The following CEP290 variants were observed in gnomAD, a reference collection of about 807,000 sequenced individuals.
CEP290 encodes centrosomal protein of 290 kDa.
In CEP290, 317 loss-of-function variants were observed where a neutral mutation model predicts 344.9. The ratio of observed to expected loss-of-function variants is 0.92; its 90% CI spans 0.84 to 1.01. CEP290 has a LOEUF of 1.01. Ranked by LOEUF, CEP290 falls within the 50% of genes least tolerant of loss-of-function variation. The pLI is 0.00. For synonymous variants in CEP290, 932 were observed against 895.8 expected (o/e 1.04, Z -0.72); for missense variants, 2,754 against 2,761.4 (o/e 1.00, Z 0.06).
Position 88,128,986 on chromosome 12 carries a change from G to A in CEP290, c.902C>T (p.Pro301Leu). 5.2e-6 allele frequency: 8 copies of A among 1,538,200 alleles called. No individual in the cohort carries two copies. Among genetic ancestry groups the A allele is most frequent in the South Asian group, 2.7e-5 (2 of 75,220 alleles). The change falls in exon 11 of 54, where the codon CCA becomes CTA. Residue 301 changes from proline to leucine, a missense_variant. By Grantham distance (98) the Pro-to-Leu change is moderately conservative. Coordinates refer to ENST00000552810, the MANE Select transcript of CEP290 (RefSeq NM_025114.4). ...LLKSKNEEDD[P>L]IMVAVNAKVE... ...TTTTGCATTGACAGCTACCATAATT[G>A]GATCATCTTCTTCATTTTTTGATTT...
intron 49 of CEP290, chr12:88,058,579 C>T (rs779264501): frequency 4.0e-5 from 17 of 423,748 alleles, no homozygotes; most frequent in Non-Finnish European, 2.9e-5. Context: ...AGCTTCATGA[C>T]GCACACACAG....
intron 32 of CEP290, 97 bp from the exon 33 acceptor site, chr12:88,086,595 A>G (rs944589377): frequency 2.0e-5 from 15 of 739,850 alleles, no homozygotes; most frequent in Non-Finnish European, 3.1e-5. Context: ...CTCACAACAC[A>G]TTGAAGAAAC....
intron 14 of CEP290, 95 bp from the exon 15 acceptor site, chr12:88,120,371 A>C: frequency 3.6e-6 from 2 of 555,400 alleles, no homozygotes; most frequent in Non-Finnish European, 5.9e-6. Flanking sequence ...CTAAAGGAAA[A>C]TGTACATATG....
At chr12:88,073,946 C>T (rs1048284276) in intron 41 of CEP290, among the ~76,000 whole-genome samples, 3 of 152,094 alleles carry the variant, frequency 2.0e-5, no homozygotes, top group Non-Finnish European at 2.9e-5. Context: ...AAACTTCAGT[C>T]TGGGTGTGGT....
At position 88,111,351 on chromosome 12, in the gene CEP290, T is replaced by C. The variant is rs754736974; in HGVS notation, c.2218A>G (p.Ile740Val). The stretch of plus-strand genomic sequence containing the variant: ...CTAGTTTCTTTTTCAAGATGGTCTA[T>C]CTGGAAAAAAAAATCCAGCAATGAG... ...SQQLAKANLKIDHLEKETSLL... is the reference protein window; with the variant it reads ...SQQLAKANLKVDHLEKETSLL... Residue 740 changes from isoleucine to valine, a missense_variant and splice_region_variant, in exon 22 of 54, where the codon ATA (isoleucine) becomes GTA (valine). Ile to Val is a conservative substitution (Grantham distance 29). Transcript: ENST00000552810. The C allele has an allele frequency of 5.1e-6, 8 of 1,562,192 alleles. No homozygotes were observed. In the Admixed American group the frequency reaches 1.4e-4, roughly 27 times the overall value.
In CEP290 at chr12:88,084,797, C is replaced by T; in HGVS notation, c.4493G>A (p.Arg1498Lys). 6.2e-7 allele frequency: 1 copy of T among 1,611,548 alleles called. No individual in the cohort carries two copies. Among genetic ancestry groups the T allele is most frequent in the Non-Finnish European group, 8.5e-7 (1 of 1,178,922 alleles). Residue 1498 changes from arginine (R) to lysine (K), a missense_variant, in exon 35 of 54, where the codon AGA (arginine) becomes AAA (lysine). Transcript: ENST00000552810. Reference protein sequence around the residue: ...LRLAEQNILSRDKVINELRLR... With the variant: ...LRLAEQNILSKDKVINELRLR... ...CCTCAGTTCATTGATTACTTTGTCTCTTGACAGTATATTTTGTTCTGCTAA... is the reference window on the plus strand; with the variant it reads ...CCTCAGTTCATTGATTACTTTGTCTTTTGACAGTATATTTTGTTCTGCTAA...
chr12:88,090,834 C>G lies in CEP290; in HGVS notation c.3467G>C (p.Arg1156Thr). 6.5e-7 allele frequency: 1 copy of G among 1,542,130 alleles called. No individual in the cohort carries two copies. The highest frequency in any genetic ancestry group is 8.8e-7 in the Non-Finnish European group (1 of 1,136,658). The change falls in exon 30 of 54, where the codon AGA (arginine) becomes ACA (threonine). Residue 1156 changes from arginine (R) to threonine (T), a missense_variant. By Grantham distance (71) the Arg-to-Thr change is moderately conservative (BLOSUM62 -1). Transcript: ENST00000552810. ...MELKVEVSKL[R>T]EISDIARRQV... ...TCTTCTGGCAATATCAGAAATCTCT[C>G]TCAGTCTAGGAAATGATAAGGTATT...
At position 88,142,031 on chromosome 12, in the gene CEP290, A is replaced by G. The variant is rs1314132143; in HGVS notation, c.-159T>C. 1 of 152,434 alleles carries G rather than the reference A, an allele frequency of 6.6e-6. No homozygotes were observed. Among genetic ancestry groups the G allele is most frequent in the Non-Finnish European group, 1.5e-5 (1 of 68,230 alleles). The allele number at this position is 152,434 out of a possible 1,614,324, so 9.4% of individuals were successfully genotyped here. A position where few individuals can be genotyped will look rare whatever the true frequency, so the allele number is the denominator to read the frequency against. On this transcript the variant is annotated 5_prime_UTR_variant, in exon 1 of 54. Transcript: ENST00000552810. ...GGGTCCAGCCAAATGGTCCCGAGCA[A>G]GCCAAAGCGGCAGCGGCTGCTAGGC...
chr12:88,089,065 T>C lies in CEP290; in HGVS notation c.3996A>G (p.Ile1332Met). Reference protein sequence around the residue: ...ELKLKGLEELISTLKDTKGAQ... With the variant: ...ELKLKGLEELMSTLKDTKGAQ... Reference sequence around the variant, plus strand: ...CTCCTTTGGTATCCTTTAAAGTGCTTATTAACTCTTCCAGGCCCTTTAATT... The same window carrying C: ...CTCCTTTGGTATCCTTTAAAGTGCTCATTAACTCTTCCAGGCCCTTTAATT... Residue 1332 changes from isoleucine to methionine, a missense_variant, in exon 31 of 54, where the codon ATA becomes ATG. By Grantham distance (10) the Ile-to-Met change is conservative (BLOSUM62 1). Coordinates refer to ENST00000552810, the MANE Select transcript of CEP290 (RefSeq NM_025114.4). The C allele has an allele frequency of 4.6e-6, 7 of 1,525,776 alleles. No homozygotes were observed. Among genetic ancestry groups the C allele is most frequent in the Non-Finnish European group, 6.1e-6 (7 of 1,141,594 alleles). 94.5% of individuals were successfully genotyped at this position (1,525,776 alleles called of 1,614,324 possible). A position where few individuals can be genotyped will look rare whatever the true frequency, so the allele number is the denominator to read the frequency against.
At chr12:88,093,326 T>C (rs913065381) in intron 28 of CEP290, among the ~76,000 whole-genome samples, 1 of 152,140 alleles carries the variant, frequency 6.6e-6, no homozygotes, top group Non-Finnish European at 1.5e-5. Flanking sequence ...CTATATTTAC[T>C]GCCACACAGT....
Position 88,060,981 on chromosome 12 carries a change from C to T in CEP290, c.6371G>A (p.Gly2124Glu), listed in dbSNP as rs752851135. The change falls in exon 47 of 54, where the codon GGA becomes GAA. Residue 2124 changes from glycine (G) to glutamate (E), a missense_variant. Coordinates refer to ENST00000552810, the MANE Select transcript of CEP290 (RefSeq NM_025114.4). ...LGHVRGSGRS[G>E]KTIPELEKTI... ...TTTTTCCAGTTCTGGGATTGTCTTT[C>T]CACTTCTACCAGACTACGAAAGAAT... 18 of 1,552,170 alleles carry T rather than the reference C, an allele frequency of 1.2e-5. No individual in the cohort carries two copies. The highest frequency in any genetic ancestry group is 2.0e-5 in the Admixed American group (1 of 49,568).
At position 88,139,154 on chromosome 12, in the gene CEP290, A is replaced by G. The variant is rs367691481; in HGVS notation, c.288T>C (p.Asn96=). The part of the protein sequence containing the change: ...QLKTKVMKLE[N]ELEMAQQSAG... ...ATACAAAAAGACATACCTCCAGTTC[A>G]TTTTCCAGTTTCATTACTTTAGTTT... The change falls in exon 5 of 54, where the codon AAT becomes AAC. Residue 96 remains asparagine, a synonymous_variant. Transcript: ENST00000552810. 8.4e-6 allele frequency: 10 copies of G among 1,195,410 alleles called. No homozygotes were observed. Among genetic ancestry groups the G allele is most frequent in the Non-Finnish European group, 1.2e-5 (10 of 867,814 alleles). 74.1% of individuals were successfully genotyped at this position (1,195,410 alleles called of 1,614,324 possible). A position where few individuals can be genotyped will look rare whatever the true frequency, so the allele number is the denominator to read the frequency against.
chr12:88,131,491 G>A (rs2040070853), intron 6 of CEP290, among the ~76,000 whole-genome samples: 1 of 151,984 alleles, frequency 6.6e-6, no homozygotes, highest in African/African-American at 2.4e-5. Context: ...TTGAACTCCT[G>A]GCCTCAAGTG....
chr12:88,089,977 G>A (rs975323461), intron 30 of CEP290, among the ~76,000 whole-genome samples: 4 of 151,870 alleles, frequency 2.6e-5, no homozygotes, highest in Non-Finnish European at 4.4e-5. Context: ...CGCCTGCCTC[G>A]GCCTCCCAGA....
At chr12:88,093,053 T>C (rs2037166279) in intron 28 of CEP290, among the ~76,000 whole-genome samples, 2 of 152,094 alleles carry the variant, frequency 1.3e-5, no homozygotes, top group African/African-American at 2.4e-5. Flanking sequence ...CCAAAAGTCA[T>C]TTTTATTAGG....
intron 15 of CEP290, 57 bp downstream of exon 15, chr12:88,120,055 TAA>T: frequency 3.6e-6 from 4 of 1,116,396 alleles, no homozygotes; most frequent in Non-Finnish European, 4.8e-6. Context: ...AAATTTAAAT[TAA>T]AAAAAAAGAC....
intron 47 of CEP290, 31 bp downstream of exon 47, chr12:88,060,799 C>T: frequency 2.1e-6 from 3 of 1,437,322 alleles, no homozygotes; most frequent in East Asian, 2.6e-5. Context: ...TAAAATATTC[C>T]CCTAAAAATG....
Position 88,050,500 on chromosome 12 carries a change from T to C in CEP290, c.7130-67A>G, listed in dbSNP as rs2033393401. ...CTACGAATGAGTTCAAGGTAATGGA[T>C]TTGTTCTAGAGAACAGAGATACATT... On this transcript the variant is annotated intron_variant, in intron 52 of 53. Transcript: ENST00000552810. 5.7e-6 allele frequency: 4 copies of C among 705,984 alleles called. No homozygotes were observed. The East Asian group carries it at 8.3e-5, about 15-fold the overall frequency. 43.7% of individuals were successfully genotyped at this position (705,984 alleles called of 1,614,324 possible). A position where few individuals can be genotyped will look rare whatever the true frequency, so the allele number is the denominator to read the frequency against.
At chr12:88,053,278 T>A (rs1357107473) in intron 52 of CEP290, among the ~76,000 whole-genome samples, 1 of 151,958 alleles carries the variant, frequency 6.6e-6, no homozygotes, top group South Asian at 2.1e-4. Flanking sequence ...CGGAAAAAAA[T>A]ATAGGCAGTA....
Sources: allele counts gnomAD v4.1 joint callset (sites outside exome capture counted in the v4.1 genomes callset), GRCh38; gene constraint gnomAD v4.1.1; transcripts MANE v1.5; gene names NCBI Gene and HGNC (gene_info 2026-07-23, HGNC 2026-07-21).